The following SEMA5A variants were observed in gnomAD, a reference collection of about 807,000 sequenced individuals.
SEMA5A encodes semaphorin 5A.
SEMA5A carries 55 observed loss-of-function variants against 135.5 expected under a neutral mutation model. The observed-to-expected ratio is 0.41, with a 90% CI of 0.33 to 0.51. The LOEUF (loss-of-function observed/expected upper bound fraction) is 0.51, where lower values mean the gene tolerates loss of function less well. Ranked by LOEUF, SEMA5A falls within the 20% of genes least tolerant of loss-of-function variation. The pLI is 0.37. For missense variants in SEMA5A, 1,290 were observed against 1,419.9 expected (o/e 0.91, Z 1.47); for synonymous variants, 580 against 546.5 (o/e 1.06, Z -0.85).
In SEMA5A at chr5:9,453,758, C is replaced by T. The variant is rs143972272; in HGVS notation, c.-174-15906G>A. Among the ~76,000 whole-genome samples, 410 of 152,258 alleles carry T rather than the reference C, an allele frequency of 2.7e-3. 1 individual carries two copies. Among genetic ancestry groups the T allele is most frequent in the African/African-American group, 9.3e-3 (387 of 41,560 alleles). ...TTTGCTAATTCAGTATTTGCAGTGA[C>T]TTCATAGAGCATAATTACCACATGC... On this transcript the variant is annotated intron_variant, in intron 1 of 22. Transcript: ENST00000382496.
chr5:9,428,896 T>C (rs1314666924), intron 2 of SEMA5A, among the ~76,000 whole-genome samples: 3 of 152,320 alleles, frequency 2.0e-5, no homozygotes, highest in Admixed American at 2.0e-4. Context: ...ATATACGTAT[T>C]CAGTGCTTAT....
chr5:9,530,606 C>A (rs1438840360), intron 1 of SEMA5A, among the ~76,000 whole-genome samples: 2 of 151,940 alleles, frequency 1.3e-5, no homozygotes, highest in Non-Finnish European at 2.9e-5. Context: ...GTTCACAAGC[C>A]CTTATGTAAG....
intron 5 of SEMA5A, among the ~76,000 whole-genome samples, chr5:9,278,351 T>C (rs1216643416): frequency 6.6e-6 from 1 of 152,188 alleles, no homozygotes; most frequent in African/African-American, 2.4e-5. Context: ...TCTAAAAGTG[T>C]ATGTTCATAT....
intron 21 of SEMA5A, among the ~76,000 whole-genome samples, chr5:9,049,381 C>T (rs368110091): frequency 3.0e-4 from 46 of 152,232 alleles, no homozygotes; most frequent in African/African-American, 9.1e-4. Context: ...AGGCTCATCT[C>T]GAACTCCTCC....
At chr5:9,433,087 C>T (rs927686467) in intron 2 of SEMA5A, among the ~76,000 whole-genome samples, 1 of 152,116 alleles carries the variant, frequency 6.6e-6, no homozygotes, top group Non-Finnish European at 1.5e-5. Flanking sequence ...TTTTCTCCCA[C>T]TTGTACAAAT....
chr5:9,044,014 G>A lies in SEMA5A; in HGVS notation c.3105+359C>T, dbSNP rs186851833. 4.7e-3 allele frequency among the ~76,000 whole-genome samples: 722 copies of A among 152,294 alleles called. 6 individuals are homozygous for A. Among genetic ancestry groups the A allele is most frequent in the Admixed American group, 7.6e-3 (117 of 15,308 alleles). ...GTTTCTGAGAGGCCAGGAGGGGCGT[G>A]TTATTAATTCCTGGTGCTTCATTCC... On this transcript the variant is annotated intron_variant, in intron 22 of 22. Coordinates refer to ENST00000382496, the MANE Select transcript of SEMA5A (RefSeq NM_003966.3).
chr5:9,286,959 T>A (rs1750826801), intron 5 of SEMA5A, among the ~76,000 whole-genome samples: 1 of 152,218 alleles, frequency 6.6e-6, no homozygotes, highest in Non-Finnish European at 1.5e-5. Context: ...CCTTTTTTAG[T>A]TGCAGGCAAA....
Position 9,054,144 on chromosome 5 carries a change from C to T in SEMA5A, c.2632G>A (p.Asp878Asn), listed in dbSNP as rs777913620. The change falls in exon 19 of 23, where the codon GAC becomes AAC. Residue 878 changes from aspartate (D) to asparagine (N), a missense_variant. Transcript: ENST00000382496. The stretch of plus-strand genomic sequence containing the variant: ...TCTGTGTGCAGCCCCAGGCAGATGT[C>T]CCCTCCATAGGCCGGGGCTGGATTG... ...CSNPAPAYGG[D>N]ICLGLHTEEA... 1.2e-6 allele frequency: 2 copies of T among 1,614,000 alleles called. No individual in the cohort carries two copies. Among genetic ancestry groups the T allele is most frequent in the Non-Finnish European group, 1.7e-6 (2 of 1,179,954 alleles).
chr5:9,464,043 T>C (rs1028958101), intron 1 of SEMA5A, among the ~76,000 whole-genome samples: 1 of 152,160 alleles, frequency 6.6e-6, no homozygotes, highest in Non-Finnish European at 1.5e-5. Context: ...TCCTCTGTCA[T>C]GGGGGAGCTG....
chr5:9,205,803 T>A (rs113085058), intron 8 of SEMA5A, among the ~76,000 whole-genome samples: 1 of 152,194 alleles, frequency 6.6e-6, no homozygotes, highest in Non-Finnish European at 1.5e-5. Flanking sequence ...GGCCCTACAC[T>A]GATCCTTCAG....
At chr5:9,166,079 G>C (rs1307861266) in intron 11 of SEMA5A, among the ~76,000 whole-genome samples, 1 of 151,978 alleles carries the variant, frequency 6.6e-6, no homozygotes, top group African/African-American at 2.4e-5. Context: ...ATAGTCAGTC[G>C]GTTTAAACTT....
intron 1 of SEMA5A, among the ~76,000 whole-genome samples, chr5:9,531,444 C>T (rs1737431934): frequency 6.6e-6 from 1 of 152,142 alleles, no homozygotes; most frequent in Non-Finnish European, 1.5e-5. Flanking sequence ...TGTATCTGTG[C>T]CAGATGGGCA....
intron 11 of SEMA5A, among the ~76,000 whole-genome samples, chr5:9,177,673 A>G (rs1200623349): frequency 6.6e-6 from 1 of 152,198 alleles, no homozygotes; most frequent in Admixed American, 6.5e-5. Flanking sequence ...GCATCCCAGG[A>G]TACTCCTAGG....
chr5:9,305,728 T>A (rs62342008), intron 5 of SEMA5A, among the ~76,000 whole-genome samples: 11,659 of 92,772 alleles, frequency 0.13, 726 homozygotes, highest in South Asian at 0.18. Context: ...ATATATATAT[T>A]TACACGCACA....
intron 21 of SEMA5A, among the ~76,000 whole-genome samples, chr5:9,047,886 G>A (rs1736356307): frequency 6.6e-6 from 1 of 152,184 alleles, no homozygotes; most frequent in Non-Finnish European, 1.5e-5. Context: ...GTATTTTAGG[G>A]TGGTGATGGG....
At chr5:9,383,708 G>A (rs1755711726) in intron 2 of SEMA5A, among the ~76,000 whole-genome samples, 1 of 152,152 alleles carries the variant, frequency 6.6e-6, no homozygotes, top group Non-Finnish European at 1.5e-5. Flanking sequence ...AGCCAACATA[G>A]ATTCCCCTTC....
intron 5 of SEMA5A, among the ~76,000 whole-genome samples, chr5:9,307,720 T>C (rs1751937441): frequency 6.6e-6 from 1 of 152,124 alleles, no homozygotes; most frequent in African/African-American, 2.4e-5. Flanking sequence ...AGCATGCCCA[T>C]CACTCAGCAG....
intron 3 of SEMA5A, among the ~76,000 whole-genome samples, chr5:9,376,948 C>T (rs74887137): frequency 0.014 from 2,142 of 152,186 alleles, 29 homozygotes; most frequent in Non-Finnish European, 0.022. Context: ...TCTCTTTCAA[C>T]GGTACACTTG....
chr5:9,121,358 C>T (rs576905350), intron 14 of SEMA5A, among the ~76,000 whole-genome samples: 6 of 152,252 alleles, frequency 3.9e-5, no homozygotes, highest in South Asian at 4.1e-4. Context: ...AATCCACTTA[C>T]GTTTTTAAAG....
Sources: allele counts gnomAD v4.1 joint callset (sites outside exome capture counted in the v4.1 genomes callset), GRCh38; gene constraint gnomAD v4.1.1; transcripts MANE v1.5; gene names NCBI Gene and HGNC (gene_info 2026-07-23, HGNC 2026-07-21).